KSR1: variants seen among roughly 807,000 people sequenced by gnomAD.
The protein encoded by KSR1 is kinase suppressor of ras.
In KSR1, 35 loss-of-function variants were observed where a neutral mutation model predicts 92.9. That is an observed-to-expected ratio of 0.38 (90% confidence interval 0.29 to 0.50). The LOEUF is 0.50. KSR1 is among the 20% of genes least tolerant of loss of function. The pLI is 0.94. For missense variants in KSR1, 972 were observed against 1,158.5 expected (o/e 0.84, Z 2.34); for synonymous variants, 467 against 472.6 (o/e 0.99, Z 0.15).
At chr17:27,595,787 T>C (rs1598109656) in intron 9 of KSR1, among the ~76,000 whole-genome samples, 1 of 151,952 alleles carries the variant, frequency 6.6e-6, no homozygotes, top group East Asian at 1.9e-4. Context: ...AGGCTCTTGC[T>C]CGGAGCTGTG....
chr17:27,623,025 T>G, intron 20 of KSR1: 1 of 470,586 alleles, frequency 2.1e-6, no homozygotes. Flanking sequence ...GGGCTGCAAA[T>G]GAGAAAACAA....
chr17:27,501,398 G>A (rs35470136), intron 1 of KSR1, among the ~76,000 whole-genome samples: 4 of 136,048 alleles, frequency 2.9e-5, no homozygotes. Context: ...TCAGGCTGCA[G>A]AAATTTGCAT....
chr17:27,466,259 G>C (rs2019689196), intron 1 of KSR1, among the ~76,000 whole-genome samples: 1 of 152,220 alleles, frequency 6.6e-6, no homozygotes, highest in Non-Finnish European at 1.5e-5. Flanking sequence ...CTGAGGTGCT[G>C]TTTGAGTTTC....
intron 18 of KSR1, chr17:27,612,598 A>G (rs984705713): frequency 2.0e-5 from 3 of 152,162 alleles, no homozygotes; most frequent in Non-Finnish European, 4.4e-5. Context: ...AGTTTCCTTT[A>G]TCACAGCACA....
intron 2 of KSR1, among the ~76,000 whole-genome samples, chr17:27,575,133 A>G (rs2072456078): frequency 6.6e-6 from 1 of 152,258 alleles, no homozygotes; most frequent in Non-Finnish European, 1.5e-5. Context: ...GTGAGTCCAC[A>G]GAATAAAATG....
chr17:27,474,261 A>G (rs2068273511), intron 1 of KSR1, among the ~76,000 whole-genome samples: 1 of 152,290 alleles, frequency 6.6e-6, no homozygotes, highest in East Asian at 1.9e-4. Context: ...TCAAAGCCGT[A>G]GTGCTACTTG....
intron 1 of KSR1, chr17:27,527,265 C>T: frequency 5.0e-6 from 1 of 200,770 alleles, no homozygotes; most frequent in East Asian, 1.5e-4. Context: ...TCCTGTAATC[C>T]CAGCTACTTG....
intron 9 of KSR1, among the ~76,000 whole-genome samples, chr17:27,596,547 C>T (rs2073350693): frequency 1.3e-5 from 2 of 152,210 alleles, no homozygotes; most frequent in African/African-American, 4.8e-5. Context: ...GACAAACCAA[C>T]TCCTGTGGTC....
intron 1 of KSR1, among the ~76,000 whole-genome samples, chr17:27,544,682 G>T (rs2071095600): frequency 6.6e-6 from 1 of 152,230 alleles, no homozygotes; most frequent in African/African-American, 2.4e-5. Context: ...CCTTCTTGCT[G>T]CTGGTCCCAT....
At chr17:27,499,109 A>G (rs1261521498) in intron 1 of KSR1, among the ~76,000 whole-genome samples, 1 of 152,190 alleles carries the variant, frequency 6.6e-6, no homozygotes. Context: ...GGGTTCTTGA[A>G]GATTTGTTCA....
chr17:27,550,688 G>A lies in KSR1; in HGVS notation c.352G>A (p.Val118Met), dbSNP rs763315320. 1.0e-5 allele frequency: 8 copies of A among 763,450 alleles called. No homozygotes were observed. The highest frequency in any genetic ancestry group is 6.7e-5 in the South Asian group (5 of 74,554). 47.3% of individuals were successfully genotyped at this position (763,450 alleles called of 1,614,324 possible). ...CAGCGACTGGCTGTACACTTTCAAC[G>A]TGAGGCCGGAGGTGGTGCAGGTATG... is the stretch of plus-strand genomic sequence containing the variant. ...RFSDWLYTFN[V>M]RPEVVQEIPR... Residue 118 changes from valine (V) to methionine (M), a missense_variant, in exon 2 of 21, where the codon GTG (valine) becomes ATG (methionine). By Grantham distance (21) the Val-to-Met change is conservative (BLOSUM62 1). Transcript: ENST00000644974.
At position 27,550,659 on chromosome 17, in the gene KSR1, G is replaced by T. The variant is rs776371462; in HGVS notation, c.323G>T (p.Arg108Leu). 1 of 764,098 alleles carries T rather than the reference G, an allele frequency of 1.3e-6. No homozygotes were observed. The highest frequency in any genetic ancestry group is 1.3e-5 in the South Asian group (1 of 74,574). The allele number at this position is 764,098 out of a possible 1,614,324, so 47.3% of individuals were successfully genotyped here. A position where few individuals can be genotyped will look rare whatever the true frequency, so the allele number is the denominator to read the frequency against. ...ACCCCAGAGCTCAACAGCTACCCCC[G>T]CTTCAGCGACTGGCTGTACACTTTC... ...ERTPELNSYP[R>L]FSDWLYTFNV... Residue 108 changes from arginine (R) to leucine (L), a missense_variant, in exon 2 of 21, where the codon CGC becomes CTC. Coordinates refer to ENST00000644974, the MANE Select transcript of KSR1 (RefSeq NM_001394583.1).
chr17:27,612,008 T>TG (rs1380288237), intron 18 of KSR1, among the ~76,000 whole-genome samples: 1 of 152,194 alleles, frequency 6.6e-6, no homozygotes, highest in East Asian at 1.9e-4. Context: ...TGCTATGCTG[T>TG]GGTATTAAAT....
At chr17:27,457,344 C>T (rs1215616872) in intron 1 of KSR1, among the ~76,000 whole-genome samples, 1 of 152,254 alleles carries the variant, frequency 6.6e-6, no homozygotes, top group Non-Finnish European at 1.5e-5. Context: ...CCTGTCCCTT[C>T]CTTTCCTCTC....
At chr17:27,485,893 T>C (rs764764080) in intron 1 of KSR1, among the ~76,000 whole-genome samples, 24 of 152,178 alleles carry the variant, frequency 1.6e-4, no homozygotes, top group Admixed American at 5.2e-4. Context: ...CCCCCGAGGA[T>C]TGAAAGAGGC....
intron 1 of KSR1, among the ~76,000 whole-genome samples, chr17:27,497,882 CAG>C (rs2069043910): frequency 6.6e-6 from 1 of 152,092 alleles, no homozygotes; most frequent in African/African-American, 2.4e-5. Context: ...GAAAGTCTGG[CAG>C]AGTCAGTGCG....
chr17:27,596,180 G>GC (rs1873892230), intron 9 of KSR1, among the ~76,000 whole-genome samples: 1 of 152,208 alleles, frequency 6.6e-6, no homozygotes, highest in Non-Finnish European at 1.5e-5. Context: ...AAACCAAAAA[G>GC]TTACTAAGCT....
At chr17:27,535,274 C>CAAGACAGCTTACAGAG (rs2070713868) in intron 1 of KSR1, among the ~76,000 whole-genome samples, 2 of 152,258 alleles carry the variant, frequency 1.3e-5, no homozygotes, top group South Asian at 4.1e-4. Context: ...GCTGTCTTGC[C>CAAGACAGCTTACAGAG]AGAGCGCTCC....
At chr17:27,503,724 A>T (rs1362400983) in intron 1 of KSR1, among the ~76,000 whole-genome samples, 2 of 152,178 alleles carry the variant, frequency 1.3e-5, no homozygotes, top group Non-Finnish European at 1.5e-5. Context: ...AAGAAACATG[A>T]CATTAAAGTG....
Sources: allele counts gnomAD v4.1 joint callset (sites outside exome capture counted in the v4.1 genomes callset), GRCh38; gene constraint gnomAD v4.1.1; transcripts MANE v1.5; gene names NCBI Gene and HGNC (gene_info 2026-07-23, HGNC 2026-07-21).